Variants in DTNA observed in about 807,000 individuals in gnomAD.
The protein encoded by DTNA is dystrobrevin alpha.
In DTNA, 43 loss-of-function variants were observed where a neutral mutation model predicts 100.7. The observed-to-expected ratio is 0.43, with a 90% CI of 0.33 to 0.55. The LOEUF is 0.55. DTNA is among the 20% of genes least tolerant of loss of function. DTNA has a pLI of 0.04. For synonymous variants in DTNA, 349 were observed against 347.9 expected (o/e 1.00, Z -0.04); for missense variants, 798 against 953.9 (o/e 0.84, Z 2.15).
rs1346216859 is a variant in DTNA at position 34,665,345 on chromosome 18, C to T, written c.-1-90631C>T. Among the ~76,000 whole-genome samples, 3 of 152,016 alleles carry T rather than the reference C, an allele frequency of 2.0e-5. No individual in the cohort carries two copies. In the East Asian group the frequency reaches 5.8e-4, roughly 29 times the overall value. On this transcript the variant is annotated intron_variant, in intron 1 of 19. Coordinates refer to the DTNA transcript ENST00000283365. ...CAATGAAATTGTGTCCAAATAACTGCTACATTTGTATACAAATTTTTTATG... is the reference window on the plus strand; with the variant it reads ...CAATGAAATTGTGTCCAAATAACTGTTACATTTGTATACAAATTTTTTATG...
At chr18:34,881,437 C>CTTTTTGTTTTTTT (rs2096871397) in intron 20 of DTNA, among the ~76,000 whole-genome samples, 1 of 51,380 alleles carries the variant, frequency 1.9e-5, no homozygotes, top group African/African-American at 8.4e-5. Context: ...AATTAAAATG[C>CTTTTTGTTTTTTT]TTTTTTTTTT....
chr18:34,688,205 G>A, intron 1 of DTNA, among the ~76,000 whole-genome samples: 1 of 152,070 alleles, frequency 6.6e-6, no homozygotes, highest in Non-Finnish European at 1.5e-5. Context: ...TGGTTATTTT[G>A]CCTATTAGTT....
chr18:34,813,012 AC>A (rs895527769), intron 6 of DTNA, among the ~76,000 whole-genome samples: 6 of 152,146 alleles, frequency 3.9e-5, no homozygotes, highest in Admixed American at 2.6e-4. Flanking sequence ...GGCTCAAGCT[AC>A]CCTGGGAAGC....
At chr18:34,731,436 G>A (rs1165649916) in intron 1 of DTNA, among the ~76,000 whole-genome samples, 4 of 151,790 alleles carry the variant, frequency 2.6e-5, no homozygotes, top group South Asian at 2.1e-4. Context: ...CCGAGATTGC[G>A]CCACTGCAGT....
At chr18:34,765,934 C>G in intron 2 of DTNA, 27 bp from the exon 3 acceptor site, 1 of 1,610,260 alleles carries the variant, frequency 6.2e-7, no homozygotes, top group Non-Finnish European at 8.5e-7. Flanking sequence ...CATGGCATAC[C>G]TTATGTGTCC....
intron 1 of DTNA, among the ~76,000 whole-genome samples, chr18:34,637,608 C>G (rs2058801529): frequency 6.6e-6 from 1 of 152,240 alleles, no homozygotes; most frequent in Admixed American, 6.5e-5. Flanking sequence ...CCACCACAGT[C>G]TGGCATCTAG....
chr18:34,868,066 T>C, intron 17 of DTNA: 1 of 939,368 alleles, frequency 1.1e-6, no homozygotes, highest in Non-Finnish European at 1.3e-6. Flanking sequence ...AAAATTGAAA[T>C]AGAAAAATCA....
At chr18:34,556,330 C>T (rs1157076178) in intron 1 of DTNA, among the ~76,000 whole-genome samples, 1 of 152,134 alleles carries the variant, frequency 6.6e-6, no homozygotes, top group South Asian at 2.1e-4. Context: ...CTCCAATTTG[C>T]CAGTCTGTGT....
chr18:34,617,948 T>G (rs1306365326), intron 1 of DTNA, among the ~76,000 whole-genome samples: 2 of 152,152 alleles, frequency 1.3e-5, no homozygotes, highest in Non-Finnish European at 2.9e-5. Flanking sequence ...TGTATGCACA[T>G]TTTTAGAGAA....
At chr18:34,690,686 A>G (rs1477125646) in intron 1 of DTNA, among the ~76,000 whole-genome samples, 1 of 152,240 alleles carries the variant, frequency 6.6e-6, no homozygotes, top group Non-Finnish European at 1.5e-5. Flanking sequence ...ACCACAGAGT[A>G]TGTGAGAAAA....
At chr18:34,625,098 G>A (rs1050686191) in intron 1 of DTNA, among the ~76,000 whole-genome samples, 85 of 151,184 alleles carry the variant, frequency 5.6e-4, no homozygotes, top group African/African-American at 1.9e-3. Flanking sequence ...GCAGTGGCAC[G>A]ATCTCGGCTC....
rs191888844 is a variant in DTNA at position 34,509,568 on chromosome 18, T to A, written c.-2+16054T>A. ...AAATAATGATTTTTGCTAATGATGC[T>A]AAATACCCTTTAGGAAGTGATATAT... On this transcript the variant is annotated intron_variant, in intron 1 of 19. Coordinates refer to the DTNA transcript ENST00000283365. Among the ~76,000 whole-genome samples, 993 of 152,268 alleles carry A rather than the reference T, an allele frequency of 6.5e-3. 14 individuals are homozygous for A. The highest frequency in any genetic ancestry group is 0.023 in the African/African-American group (954 of 41,570).
chr18:34,571,728 T>C (rs913750750), intron 1 of DTNA, among the ~76,000 whole-genome samples: 2 of 152,316 alleles, frequency 1.3e-5, no homozygotes, highest in South Asian at 2.1e-4. Context: ...GCCTAGTCTC[T>C]AACTCTCTGC....
chr18:34,568,671 C>T (rs1224449355), intron 1 of DTNA, among the ~76,000 whole-genome samples: 4 of 152,038 alleles, frequency 2.6e-5, no homozygotes, highest in Non-Finnish European at 5.9e-5. Context: ...TCACCCAAGC[C>T]GGAGTGCAGT....
intron 15 of DTNA, among the ~76,000 whole-genome samples, chr18:34,856,167 G>A (rs557299822): frequency 2.6e-5 from 4 of 152,296 alleles, no homozygotes; most frequent in Admixed American, 2.6e-4. Context: ...GTGGGTTCTA[G>A]AGCTCCCCAA....
intron 1 of DTNA, among the ~76,000 whole-genome samples, chr18:34,620,338 G>A (rs935542003): frequency 6.6e-6 from 1 of 152,144 alleles, no homozygotes; most frequent in African/African-American, 2.4e-5. Flanking sequence ...TAAGTTTGAA[G>A]ATATTTGAAT....
At chr18:34,503,681 T>C (rs981706363) in intron 1 of DTNA, among the ~76,000 whole-genome samples, 1 of 152,194 alleles carries the variant, frequency 6.6e-6, no homozygotes, top group African/African-American at 2.4e-5. Flanking sequence ...TACAATACTT[T>C]AGTGCTTAAA....
At chr18:34,874,945 A>G (rs1356969926) in intron 17 of DTNA, among the ~76,000 whole-genome samples, 2 of 152,216 alleles carry the variant, frequency 1.3e-5, no homozygotes, top group East Asian at 3.8e-4. Context: ...CCTTGTAATT[A>G]TCTGCATTTA....
At chr18:34,766,136 T>TA in intron 3 of DTNA, 95 bp downstream of exon 3, 1 of 1,320,782 alleles carries the variant, frequency 7.6e-7, no homozygotes, top group Non-Finnish European at 1.1e-6. Context: ...TTACAAATAT[T>TA]GCTAATATTG....
Sources: gnomAD v4.1 joint callset for allele counts (sites outside exome capture counted in the v4.1 genomes callset) on GRCh38, gnomAD v4.1.1 for gene constraint, MANE v1.5 for transcripts, NCBI Gene and HGNC (gene_info 2026-07-23, HGNC 2026-07-21) for gene names.